NEK11: variants seen among roughly 807,000 people sequenced by gnomAD.
The protein encoded by NEK11 is serine/threonine-protein kinase Nek11.
NEK11 carries 72 observed loss-of-function variants against 80.7 expected under a neutral mutation model. The ratio of observed to expected loss-of-function variants is 0.89; its 90% CI spans 0.74 to 1.08. The LOEUF (loss-of-function observed/expected upper bound fraction) is 1.08. Ranked by LOEUF, NEK11 falls within the 50% of genes least tolerant of loss-of-function variation. The pLI is 0.00. For missense variants in NEK11, 764 were observed against 763.6 expected (o/e 1.00, Z -0.01); for synonymous variants, 251 against 260.7 (o/e 0.96, Z 0.36).
At chr3:131,311,875 T>C (rs192965122) in intron 17 of NEK11, among the ~76,000 whole-genome samples, 21 of 152,368 alleles carry the variant, frequency 1.4e-4, no homozygotes, top group African/African-American at 3.4e-4. Context: ...TCTGTTGTTT[T>C]AGAGAGCTGC....
intron 3 of NEK11, among the ~76,000 whole-genome samples, chr3:131,075,295 G>C (rs1279623694): frequency 6.6e-6 from 1 of 152,140 alleles, no homozygotes; most frequent in Non-Finnish European, 1.5e-5. Context: ...GTCCTTTAAT[G>C]TGACACAGAC....
chr3:131,224,454 C>T (rs2095128502), intron 14 of NEK11, among the ~76,000 whole-genome samples: 1 of 152,128 alleles, frequency 6.6e-6, no homozygotes, highest in South Asian at 2.1e-4. Context: ...TTCTCGAACT[C>T]CTGACCTCTG....
intron 14 of NEK11, among the ~76,000 whole-genome samples, chr3:131,183,714 T>C (rs1369519553): frequency 6.6e-6 from 1 of 152,244 alleles, no homozygotes; most frequent in African/African-American, 2.4e-5. Context: ...ATTCCATGTC[T>C]TTGCTATTGT....
At chr3:131,152,219 C>T (rs1288087057) in intron 7 of NEK11, among the ~76,000 whole-genome samples, 169 bp from the exon 8 acceptor site, 1 of 150,742 alleles carries the variant, frequency 6.6e-6, no homozygotes, top group Non-Finnish European at 1.5e-5. Flanking sequence ...TTTTGGTAAA[C>T]ATGTATTTAA....
At chr3:131,197,481 A>G (rs1239030951) in intron 14 of NEK11, among the ~76,000 whole-genome samples, 2 of 152,160 alleles carry the variant, frequency 1.3e-5, no homozygotes, top group African/African-American at 4.8e-5. Flanking sequence ...GAGGTTAAAG[A>G]TACAGGGATT....
rs920891180 is a variant in NEK11, at chr3:131,339,305, C to T, written c.1719-10252C>T. On this transcript the variant is annotated intron_variant, in intron 17 of 17. Coordinates refer to ENST00000383366, the MANE Select transcript of NEK11 (RefSeq NM_024800.5). ...TATAAGCAAAGAATGTCTTCCTGAGCTCTCACTTATAATTGAACATTTAGA... is the reference window on the plus strand; with the variant it reads ...TATAAGCAAAGAATGTCTTCCTGAGTTCTCACTTATAATTGAACATTTAGA... 3.9e-5 allele frequency among the ~76,000 whole-genome samples: 6 copies of T among 152,144 alleles called. No homozygotes were observed. The East Asian group carries it at 5.8e-4, about 15-fold the overall frequency.
intron 14 of NEK11, among the ~76,000 whole-genome samples, chr3:131,192,376 G>A (rs1172865655): frequency 6.6e-6 from 1 of 152,104 alleles, no homozygotes; most frequent in African/African-American, 2.4e-5. Flanking sequence ...AAACAGTATG[G>A]TGATTCGTCA....
At chr3:131,248,724 T>C (rs2095647569) in intron 16 of NEK11, among the ~76,000 whole-genome samples, 3 of 152,174 alleles carry the variant, frequency 2.0e-5, no homozygotes, top group Admixed American at 1.3e-4. Context: ...GGATCTTTCC[T>C]TTTCCAGTGA....
chr3:131,288,450 C>CTTTT (rs71133693), intron 17 of NEK11, among the ~76,000 whole-genome samples: 1 of 115,392 alleles, frequency 8.7e-6, no homozygotes, highest in Non-Finnish European at 1.8e-5. Flanking sequence ...TTCTTTCTTT[C>CTTTT]TTTTTTTTTT....
Position 131,273,514 on chromosome 3 carries a change from C to T in NEK11, c.1658C>T (p.Ser553Phe), listed in dbSNP as rs922031591. 1.2e-6 allele frequency: 2 copies of T among 1,613,896 alleles called. No homozygotes were observed. The highest frequency in any genetic ancestry group is 1.7e-6 in the Non-Finnish European group (2 of 1,179,846). Reference sequence around the variant, plus strand: ...ATCACCACCATGGCTGAAGACATGTCCCCAGGACCACCAATTTTCAACAGT... The same window carrying T: ...ATCACCACCATGGCTGAAGACATGTTCCCAGGACCACCAATTTTCAACAGT... ...KTITTMAEDMSPGPPIFNSVM... is the reference protein window; with the variant it reads ...KTITTMAEDMFPGPPIFNSVM... The change falls in exon 17 of 18, where the codon TCC (serine) becomes TTC (phenylalanine). Residue 553 changes from serine to phenylalanine, a missense_variant. Coordinates refer to ENST00000383366, the MANE Select transcript of NEK11 (RefSeq NM_024800.5).
intron 14 of NEK11, among the ~76,000 whole-genome samples, chr3:131,190,886 T>C (rs2093767717): frequency 6.6e-6 from 1 of 151,984 alleles, no homozygotes. Flanking sequence ...GTCACCAAAA[T>C]TGGGAGGTAT....
intron 4 of NEK11, among the ~76,000 whole-genome samples, chr3:131,099,666 C>T (rs1175115069): frequency 1.3e-5 from 2 of 152,008 alleles, no homozygotes; most frequent in Non-Finnish European, 2.9e-5. Flanking sequence ...TATATTTCTC[C>T]TTGTAGAGAT....
chr3:131,239,077 CAAG>C (rs1044302905), intron 15 of NEK11, among the ~76,000 whole-genome samples: 1 of 151,326 alleles, frequency 6.6e-6, no homozygotes, highest in Non-Finnish European at 1.5e-5. Context: ...GCCACAGCTT[CAAG>C]AAGGTCTGGA....
intron 17 of NEK11, among the ~76,000 whole-genome samples, chr3:131,322,384 A>T (rs1456087642): frequency 2.0e-5 from 3 of 152,158 alleles, no homozygotes; most frequent in Non-Finnish European, 4.4e-5. Context: ...AAACCTCAGC[A>T]TCACACAATA....
intron 3 of NEK11, among the ~76,000 whole-genome samples, chr3:131,079,678 G>A (rs2074925610): frequency 6.6e-6 from 1 of 151,960 alleles, no homozygotes; most frequent in African/African-American, 2.4e-5. Flanking sequence ...TAATGACTTG[G>A]GGATTTAATG....
chr3:131,253,489 C>G (rs1255679128), intron 16 of NEK11, among the ~76,000 whole-genome samples: 2 of 152,164 alleles, frequency 1.3e-5, no homozygotes, highest in Non-Finnish European at 2.9e-5. Flanking sequence ...AGGGCAGATA[C>G]TTTGAAACAT....
Position 131,170,839 on chromosome 3 carries a change from G to A in NEK11, c.1351G>A (p.Glu451Lys), listed in dbSNP as rs35409692. 5,769 of 1,613,998 alleles carry A rather than the reference G, an allele frequency of 3.6e-3. 18 individuals are homozygous for A. The highest frequency in any genetic ancestry group is 4.4e-3 in the Non-Finnish European group (5,211 of 1,179,934). The stretch of plus-strand genomic sequence containing the variant: ...GCCTATTCCTTCCATGGACCTCCAC[G>A]AACTTGAATCAATTGTAGAGGATGC... ...SQPIPSMDLHELESIVEDATS... is the reference protein window; with the variant it reads ...SQPIPSMDLHKLESIVEDATS... Residue 451 changes from glutamate (E) to lysine (K), a missense_variant, in exon 14 of 18, where the codon GAA becomes AAA. Physicochemically the swap from Glu to Lys is moderately conservative, Grantham distance 56 (BLOSUM62 1). Coordinates refer to ENST00000383366, the MANE Select transcript of NEK11 (RefSeq NM_024800.5).
chr3:131,322,543 C>G (rs1385376740), intron 17 of NEK11, among the ~76,000 whole-genome samples: 1 of 152,204 alleles, frequency 6.6e-6, no homozygotes, highest in Non-Finnish European at 1.5e-5. Context: ...CTCAACATCA[C>G]TAATCATCAG....
intron 4 of NEK11, among the ~76,000 whole-genome samples, chr3:131,088,695 G>A (rs2076337011): frequency 6.6e-6 from 1 of 151,786 alleles, no homozygotes; most frequent in South Asian, 2.1e-4. Context: ...TCAGCAAAAA[G>A]AACACTATCT....
Sources: allele counts gnomAD v4.1 joint callset (sites outside exome capture counted in the v4.1 genomes callset), GRCh38; gene constraint gnomAD v4.1.1; transcripts MANE v1.5; gene names NCBI Gene and HGNC (gene_info 2026-07-23, HGNC 2026-07-21).